Variants in SUGCT observed in about 807,000 individuals in gnomAD.
The protein encoded by SUGCT is succinyl-CoA:glutarate CoA-transferase.
Under a neutral mutation model 55.0 loss-of-function variants are expected in SUGCT, and 41 were observed. That is an observed-to-expected ratio of 0.74 (90% CI 0.58 to 0.97). The LOEUF is 0.97. SUGCT is among the 50% of genes least tolerant of loss of function. The pLI is 0.00. For missense variants in SUGCT, 568 were observed against 547.8 expected, an observed-to-expected ratio of 1.04 and a Z score of -0.37; for synonymous variants, 187 against 200.4, an observed-to-expected ratio of 0.93 and a Z score of 0.56.
At chr7:40,586,005 AT>A (rs1239181271) in intron 12 of SUGCT, among the ~76,000 whole-genome samples, 1 of 151,534 alleles carries the variant, frequency 6.6e-6, no homozygotes. Context: ...ATGACTTATT[AT>A]TTTTTTTCTT....
At chr7:40,762,788 C>T (rs1025780445) in intron 13 of SUGCT, among the ~76,000 whole-genome samples, 7 of 151,512 alleles carry the variant, frequency 4.6e-5, no homozygotes, top group African/African-American at 1.5e-4. Flanking sequence ...ATATCTTTGA[C>T]GGTAAGAAGC....
intron 6 of SUGCT, among the ~76,000 whole-genome samples, chr7:40,196,009 T>A (rs1786270237): frequency 6.6e-6 from 1 of 152,166 alleles, no homozygotes. Context: ...CCATCACTCC[T>A]GGCCTACAGT....
the SUGCT span, among the ~76,000 whole-genome samples, chr7:40,994,930 C>T: frequency 6.6e-6 from 1 of 152,116 alleles, no homozygotes. Context: ...CCTTGAGGCC[C>T]TCACCAGAAG....
rs563259488 is a variant in SUGCT at position 40,217,073 on chromosome 7, G to C, written c.485-20562G>C. Reference sequence around the variant, plus strand: ...TGGAGTCTGTATCTGAATTTAGCAAGAGTTTGCTGCACTGAGGTTTCTAGT... The same window carrying C: ...TGGAGTCTGTATCTGAATTTAGCAACAGTTTGCTGCACTGAGGTTTCTAGT... On this transcript the variant is annotated intron_variant, in intron 6 of 13. Coordinates refer to ENST00000335693, the MANE Select transcript of SUGCT (RefSeq NM_001193313.2). Among the ~76,000 whole-genome samples the C allele has an allele frequency of 4.6e-5, 7 of 152,170 alleles. No individual in the cohort carries two copies. The East Asian group carries it at 1.4e-3, about 29-fold the overall frequency.
chr7:40,683,812 T>C (rs899261063), intron 12 of SUGCT, among the ~76,000 whole-genome samples: 2 of 152,244 alleles, frequency 1.3e-5, no homozygotes, highest in African/African-American at 2.4e-5. Context: ...TTCTCTATTA[T>C]TGCCATCACA....
the SUGCT span, among the ~76,000 whole-genome samples, chr7:40,900,435 A>G: frequency 2.0e-5 from 3 of 152,250 alleles, no homozygotes; most frequent in East Asian, 5.8e-4. Flanking sequence ...GATTGTGCCC[A>G]TAAAACACAT....
chr7:40,740,457 T>G (rs1277406623), intron 12 of SUGCT, among the ~76,000 whole-genome samples: 5 of 151,218 alleles, frequency 3.3e-5, no homozygotes, highest in Non-Finnish European at 7.4e-5. Flanking sequence ...TCTTGATTAT[T>G]GCAGTGTCTA....
At chr7:40,182,375 T>C (rs891785614) in intron 3 of SUGCT, among the ~76,000 whole-genome samples, 2 of 152,084 alleles carry the variant, frequency 1.3e-5, no homozygotes, top group Non-Finnish European at 2.9e-5. Flanking sequence ...GAGACCAGCC[T>C]GGCCAACATG....
At chr7:40,343,119 C>G (rs1383404153) in intron 9 of SUGCT, among the ~76,000 whole-genome samples, 4 of 152,114 alleles carry the variant, frequency 2.6e-5, no homozygotes, top group Non-Finnish European at 1.5e-5. Flanking sequence ...GGAGGAAGTT[C>G]CATAGTCATA....
At chr7:40,282,832 C>T (rs145660899) in intron 8 of SUGCT, among the ~76,000 whole-genome samples, 138 of 152,254 alleles carry the variant, frequency 9.1e-4, no homozygotes, top group African/African-American at 3.2e-3. Context: ...TGCCACTGAA[C>T]TCCAGCCTGG....
chr7:40,339,163 G>A (rs762981891), intron 9 of SUGCT, among the ~76,000 whole-genome samples: 2 of 152,144 alleles, frequency 1.3e-5, no homozygotes, highest in East Asian at 1.9e-4. Flanking sequence ...CCCTACTGGG[G>A]GGTACCTCCC....
At chr7:40,994,739 G>T in the SUGCT span, among the ~76,000 whole-genome samples, 1 of 152,126 alleles carries the variant, frequency 6.6e-6, no homozygotes, top group East Asian at 1.9e-4. Context: ...GTGACTGGGA[G>T]GTGATTATGG....
At chr7:40,339,838 T>C (rs2151173305) in intron 9 of SUGCT, among the ~76,000 whole-genome samples, 1 of 152,306 alleles carries the variant, frequency 6.6e-6, no homozygotes, top group East Asian at 1.9e-4. Context: ...CTGCATCACT[T>C]ACGCTGGGAG....
At chr7:40,422,389 G>A (rs1787355899) in intron 9 of SUGCT, among the ~76,000 whole-genome samples, 2 of 152,116 alleles carry the variant, frequency 1.3e-5, no homozygotes, top group South Asian at 4.1e-4. Context: ...ATCTCAACAT[G>A]TCTTCCATGG....
intron 10 of SUGCT, 26 bp from the exon 11 acceptor site, chr7:40,459,075 A>G (rs974630508): frequency 4.0e-6 from 6 of 1,502,656 alleles, no homozygotes; most frequent in Non-Finnish European, 5.5e-6. Context: ...TATTTCTTAT[A>G]CTGGAAAATT....
At chr7:40,444,317 A>G (rs963067281) in intron 9 of SUGCT, among the ~76,000 whole-genome samples, 1 of 152,136 alleles carries the variant, frequency 6.6e-6, no homozygotes, top group African/African-American at 2.4e-5. Flanking sequence ...CTTGGGCAGT[A>G]TGGCCATTTT....
chr7:40,676,043 T>C (rs1783962306), intron 12 of SUGCT, among the ~76,000 whole-genome samples: 1 of 152,064 alleles, frequency 6.6e-6, no homozygotes, highest in South Asian at 2.1e-4. Context: ...TAACAGTAGC[T>C]GGTAATTGAT....
intron 5 of SUGCT, 24 bp from the exon 6 acceptor site, chr7:40,194,916 A>T (rs771471790): frequency 2.0e-5 from 32 of 1,605,722 alleles, no homozygotes; most frequent in Middle Eastern, 1.7e-4. Flanking sequence ...TGGAAGTCTG[A>T]CTCATGTTCA....
chr7:40,927,307 C>G, the SUGCT span, among the ~76,000 whole-genome samples: 1 of 152,066 alleles, frequency 6.6e-6, no homozygotes, highest in Non-Finnish European at 1.5e-5. Flanking sequence ...AAAACATAGT[C>G]ATGTGGATTT....
Sources: gnomAD v4.1 joint callset for allele counts (sites outside exome capture counted in the v4.1 genomes callset) on GRCh38, gnomAD v4.1.1 for gene constraint, MANE v1.5 for transcripts, NCBI Gene and HGNC (gene_info 2026-07-23, HGNC 2026-07-21) for gene names.